DGKG: variants seen among roughly 807,000 people sequenced by gnomAD.
DGKG encodes DAG kinase gamma.
DGKG carries 78 observed loss-of-function variants against 105.3 expected under a neutral mutation model. That is an observed-to-expected ratio of 0.74 (90% CI 0.62 to 0.89). DGKG has a LOEUF of 0.89. Ranked by LOEUF, DGKG falls within the 40% of genes least tolerant of loss-of-function variation. The pLI is 0.00. For synonymous variants in DGKG, 346 were observed against 367.1 expected, an observed-to-expected ratio of 0.94 and a Z score of 0.66; for missense variants, 958 against 1,020.1, an observed-to-expected ratio of 0.94 and a Z score of 0.83.
chr3:186,279,958 G>A lies in DGKG; in HGVS notation c.685C>T (p.Leu229=), dbSNP rs1722754892. The change falls in exon 9 of 25, where the codon CTG becomes TTG. Residue 229 remains leucine, a synonymous_variant. Coordinates refer to ENST00000265022, the MANE Select transcript of DGKG (RefSeq NM_001346.3). ...TELRPILKEM[L]QGMDYDRDGF... is the part of the protein sequence containing the mutation. ...TCCCGGTCGTAGTCCATCCCTTGCA[G>A]CATCTCCTTCAATATCTGTGGAATC... 4 of 1,613,920 alleles carry A rather than the reference G, an allele frequency of 2.5e-6. No homozygotes were observed. In the South Asian group the frequency reaches 3.3e-5, roughly 13 times the overall value.
intron 2 of DGKG, among the ~76,000 whole-genome samples, chr3:186,318,688 G>A (rs373551491): frequency 3.9e-5 from 6 of 152,044 alleles, no homozygotes; most frequent in Non-Finnish European, 5.9e-5. Context: ...GGGAGAATAC[G>A]GCCATCCGCA....
chr3:186,260,432 T>C lies in DGKG; in HGVS notation c.1424+7A>G, dbSNP rs773634181. 6.2e-7 allele frequency: 1 copy of C among 1,602,392 alleles called. No homozygotes were observed. Among genetic ancestry groups the C allele is most frequent in the Non-Finnish European group, 8.6e-7 (1 of 1,169,390 alleles). On this transcript the variant is annotated splice_region_variant and intron_variant, in intron 16 of 24. Transcript: ENST00000265022. ...GAAATAAGAGGTAAAGATTGTGATC[T>C]CCATACCCTGGAGTAGGCCCCCCAT... is the stretch of plus-strand genomic sequence containing the variant.
chr3:186,185,502 T>G (rs568038179), intron 22 of DGKG, among the ~76,000 whole-genome samples: 12 of 152,246 alleles, frequency 7.9e-5, no homozygotes, highest in African/African-American at 2.4e-4. Context: ...CAGCACATGA[T>G]CTCATCAAGA....
intron 2 of DGKG, among the ~76,000 whole-genome samples, chr3:186,307,514 C>T (rs1397837844): frequency 6.6e-6 from 1 of 152,188 alleles, no homozygotes; most frequent in Non-Finnish European, 1.5e-5. Flanking sequence ...GTTAAGCATT[C>T]CCTTCATTGG....
chr3:186,298,049 G>A lies in DGKG; in HGVS notation c.310+15C>T, dbSNP rs1192160203. On this transcript the variant is annotated intron_variant, in intron 4 of 24. Transcript: ENST00000265022. The stretch of plus-strand genomic sequence containing the variant: ...CTGCGCAAGGTCTTCCCATCTTGGG[G>A]AAAGCTCTGTGTACCTGCGCTGTTG... 1.9e-6 allele frequency: 3 copies of A among 1,595,378 alleles called. No homozygotes were observed. The highest frequency in any genetic ancestry group is 2.3e-5 in the South Asian group (2 of 87,544).
chr3:186,238,178 T>C (rs997299238), intron 20 of DGKG, among the ~76,000 whole-genome samples: 1 of 149,962 alleles, frequency 6.7e-6, no homozygotes, highest in African/African-American at 2.5e-5. Context: ...GTGCCTTTAA[T>C]CCCACCTACT....
intron 1 of DGKG, among the ~76,000 whole-genome samples, chr3:186,353,426 G>A (rs1241713493): frequency 6.6e-6 from 1 of 151,940 alleles, no homozygotes; most frequent in Non-Finnish European, 1.5e-5. Flanking sequence ...GGTTGAGGCA[G>A]GAGAATTCCT....
chr3:186,306,044 C>T (rs1027121239), intron 3 of DGKG, among the ~76,000 whole-genome samples: 35 of 152,118 alleles, frequency 2.3e-4, no homozygotes, highest in African/African-American at 6.8e-4. Context: ...ATGACTTGAC[C>T]AACCGTGTCC....
chr3:186,350,703 A>G lies in DGKG; in HGVS notation c.-249+11243T>C, dbSNP rs56150115. Among the ~76,000 whole-genome samples, 423 of 152,336 alleles carry G rather than the reference A, an allele frequency of 2.8e-3. 2 individuals are homozygous for G. Among genetic ancestry groups the G allele is most frequent in the Middle Eastern group, 0.014 (4 of 294 alleles). On this transcript the variant is annotated intron_variant, in intron 1 of 24. Coordinates refer to ENST00000265022, the MANE Select transcript of DGKG (RefSeq NM_001346.3). Reference sequence around the variant, plus strand: ...AGTGGCTGTACCACTTCACATTCCCATCAGCAGTGTACAAGAGTTCCAATT... The same window carrying G: ...AGTGGCTGTACCACTTCACATTCCCGTCAGCAGTGTACAAGAGTTCCAATT...
chr3:186,285,418 T>A (rs1484202580), intron 6 of DGKG, among the ~76,000 whole-genome samples: 3 of 152,240 alleles, frequency 2.0e-5, no homozygotes, highest in Non-Finnish European at 4.4e-5. Context: ...ACGGAAGCCA[T>A]CTTTTCCTTT....
intron 9 of DGKG, among the ~76,000 whole-genome samples, chr3:186,278,929 C>T (rs1429435146): frequency 6.6e-6 from 1 of 152,168 alleles, no homozygotes; most frequent in Non-Finnish European, 1.5e-5. Flanking sequence ...TAGTTTTAGT[C>T]TTCCCTACCT....
At chr3:186,223,392 C>T (rs1357814612) in intron 20 of DGKG, among the ~76,000 whole-genome samples, 1 of 152,038 alleles carries the variant, frequency 6.6e-6, no homozygotes, top group African/African-American at 2.4e-5. Flanking sequence ...CTAGGATGGT[C>T]TGGTTATTTC....
intron 20 of DGKG, among the ~76,000 whole-genome samples, chr3:186,215,264 A>C (rs542475704): frequency 3.8e-4 from 58 of 152,174 alleles, no homozygotes; most frequent in African/African-American, 1.3e-3. Flanking sequence ...TGCAAAAATG[A>C]GCCAGGTATG....
chr3:186,263,362 T>C (rs1721876324), intron 14 of DGKG, among the ~76,000 whole-genome samples: 1 of 151,346 alleles, frequency 6.6e-6, no homozygotes, highest in African/African-American at 2.4e-5. Flanking sequence ...AGGTCAGGAG[T>C]TCGAGACCAG....
intron 9 of DGKG, among the ~76,000 whole-genome samples, chr3:186,276,334 A>G (rs927115702): frequency 5.3e-5 from 8 of 152,160 alleles, no homozygotes; most frequent in African/African-American, 1.9e-4. Context: ...ATATGTTATG[A>G]TTTCAGTTTT....
chr3:186,290,417 T>C (rs1723261820), intron 5 of DGKG, among the ~76,000 whole-genome samples: 1 of 152,202 alleles, frequency 6.6e-6, no homozygotes, highest in Non-Finnish European at 1.5e-5. Context: ...ATATTATTCA[T>C]CAATTAAAAC....
chr3:186,151,465 A>G (rs1199006672), intron 24 of DGKG, among the ~76,000 whole-genome samples: 1 of 152,214 alleles, frequency 6.6e-6, no homozygotes, highest in Non-Finnish European at 1.5e-5. Context: ...GGGAACAAGG[A>G]GGAAAGAATT....
chr3:186,189,241 G>A (rs767773146), intron 21 of DGKG, among the ~76,000 whole-genome samples: 5 of 152,210 alleles, frequency 3.3e-5, no homozygotes, highest in Non-Finnish European at 7.3e-5. Flanking sequence ...TGGCATATGT[G>A]TTTGCTGAAG....
At chr3:186,344,100 G>T (rs995570426) in intron 1 of DGKG, among the ~76,000 whole-genome samples, 1 of 152,308 alleles carries the variant, frequency 6.6e-6, no homozygotes, top group Admixed American at 6.5e-5. Context: ...TGCTAGTAAG[G>T]TTGTGGAGAA....
Sources: allele counts gnomAD v4.1 joint callset (sites outside exome capture counted in the v4.1 genomes callset), GRCh38; gene constraint gnomAD v4.1.1; transcripts MANE v1.5; gene names NCBI Gene and HGNC (gene_info 2026-07-23, HGNC 2026-07-21).